ANAPC10: variants seen among roughly 807,000 people sequenced by gnomAD.
The protein encoded by ANAPC10 is anaphase-promoting complex subunit 10.
Under a neutral mutation model 22.0 loss-of-function variants are expected in ANAPC10, and 12 were observed. The ratio of observed to expected loss-of-function variants is 0.55; its 90% CI spans 0.35 to 0.88. The LOEUF is 0.88. ANAPC10 is among the 40% of genes least tolerant of loss of function. The probability of loss-of-function intolerance (pLI) is 0.01; values close to 1 mark genes in which losing one functional copy is unlikely to be tolerated. For synonymous variants in ANAPC10, 65 were observed against 69.5 expected, an observed-to-expected ratio of 0.94 and a Z score of 0.32; for missense variants, 188 against 220.9, an observed-to-expected ratio of 0.85 and a Z score of 0.94.
intron 4 of ANAPC10, among the ~76,000 whole-genome samples, chr4:145,044,955 T>C (rs1486485504): frequency 6.6e-6 from 1 of 152,016 alleles, no homozygotes; most frequent in Non-Finnish European, 1.5e-5. Context: ...TTTATAGAAG[T>C]TCACTATAAA....
intron 2 of ANAPC10, among the ~76,000 whole-genome samples, chr4:145,084,114 G>A (rs1746508607): frequency 6.6e-6 from 1 of 152,082 alleles, no homozygotes; most frequent in Admixed American, 6.5e-5. Flanking sequence ...GGAACCACAG[G>A]CATGTGCCAC....
chr4:145,000,871 AG>A (rs1005641760), intron 4 of ANAPC10, among the ~76,000 whole-genome samples: 69 of 152,316 alleles, frequency 4.5e-4, no homozygotes, highest in Middle Eastern at 3.4e-3. Flanking sequence ...GCCATAAAAA[AG>A]GATGAGTTCA....
In ANAPC10 at chr4:144,995,601, T is replaced by C. The variant is rs1387498191; in HGVS notation, c.330A>G (p.Gln110=). 3.1e-6 allele frequency: 5 copies of C among 1,602,568 alleles called. No individual in the cohort carries two copies. Among genetic ancestry groups the C allele is most frequent in the Non-Finnish European group, 4.3e-6 (5 of 1,175,568 alleles). ...AGCCACTTGGTTCCACCAACTCAAG[T>C]TGCTGCCAAGGGAAAAAAAATCAGA... ...NNFHNLQEIR[Q]LELVEPSGWI... is the part of the protein sequence containing the mutation. The change falls in exon 5 of 5, where the codon CAA becomes CAG. Residue 110 remains glutamine (Q), a splice_region_variant and synonymous_variant. Coordinates refer to ENST00000507656, the MANE Select transcript of ANAPC10 (RefSeq NM_001256706.2).
chr4:145,051,262 T>C (rs1025723839), intron 4 of ANAPC10, among the ~76,000 whole-genome samples: 10 of 152,152 alleles, frequency 6.6e-5, no homozygotes, highest in Non-Finnish European at 1.2e-4. Context: ...AAGCAGCCAG[T>C]TGGTGGAGTA....
chr4:145,045,095 A>C (rs541901859), intron 4 of ANAPC10, among the ~76,000 whole-genome samples: 1 of 152,214 alleles, frequency 6.6e-6, no homozygotes, highest in Admixed American at 6.5e-5. Flanking sequence ...CCAAAAGCTA[A>C]TGTAAAAATA....
At chr4:145,096,263 T>C (rs1448995731) in intron 1 of ANAPC10, among the ~76,000 whole-genome samples, 152 bp from the exon 2 acceptor site, 1 of 152,166 alleles carries the variant, frequency 6.6e-6, no homozygotes, top group Non-Finnish European at 1.5e-5. Context: ...ATCACTGTAA[T>C]TTAAATCTTA....
chr4:145,035,206 G>A (rs920717109), intron 4 of ANAPC10: 3 of 152,130 alleles, frequency 2.0e-5, no homozygotes, highest in South Asian at 2.1e-4. Flanking sequence ...GATCTAGCTG[G>A]CTAGATTGGT....
intron 3 of ANAPC10, among the ~76,000 whole-genome samples, chr4:145,064,982 T>C (rs35472571): frequency 1.3e-5 from 2 of 151,968 alleles, no homozygotes; most frequent in African/African-American, 4.8e-5. Flanking sequence ...TACTTTATCA[T>C]GCAAACAAGC....
chr4:145,025,659 T>C (rs1037085350), intron 4 of ANAPC10, among the ~76,000 whole-genome samples: 5 of 152,126 alleles, frequency 3.3e-5, no homozygotes, highest in Admixed American at 1.3e-4. Context: ...AGGTATAATA[T>C]TGGTGAAAAA....
intron 4 of ANAPC10, among the ~76,000 whole-genome samples, chr4:145,010,142 A>C (rs1245304439): frequency 1.3e-5 from 2 of 152,138 alleles, no homozygotes; most frequent in African/African-American, 4.8e-5. Flanking sequence ...CACACCAGTT[A>C]GAATGGCGAT....
intron 2 of ANAPC10, among the ~76,000 whole-genome samples, chr4:145,093,094 C>T (rs938329317): frequency 1.3e-5 from 2 of 152,154 alleles, no homozygotes; most frequent in African/African-American, 4.8e-5. Context: ...AGTAATGAAA[C>T]ACAGTATTCT....
Position 145,004,414 on chromosome 4 carries a change from C to T in ANAPC10, c.328-8811G>A, listed in dbSNP as rs77480061. Among the ~76,000 whole-genome samples, 62 of 152,174 alleles carry T rather than the reference C, an allele frequency of 4.1e-4. No individual in the cohort carries two copies. In the East Asian group the frequency reaches 6.2e-3, roughly 15 times the overall value. ...GTGGTGAGTGAAGGCATCCTTGTTTCGTTCCAGTTTTCAAGAGGAATGCTT... is the reference window on the plus strand; with the variant it reads ...GTGGTGAGTGAAGGCATCCTTGTTTTGTTCCAGTTTTCAAGAGGAATGCTT... On this transcript the variant is annotated intron_variant, in intron 4 of 4. Transcript: ENST00000507656.
intron 4 of ANAPC10, among the ~76,000 whole-genome samples, chr4:145,024,273 C>T (rs1736350794): frequency 6.6e-6 from 1 of 152,198 alleles, no homozygotes; most frequent in Non-Finnish European, 1.5e-5. Flanking sequence ...TTCTTCCAAA[C>T]TCTTGTTAAT....
chr4:145,015,266 T>C (rs1560824849), intron 4 of ANAPC10, among the ~76,000 whole-genome samples: 3 of 151,762 alleles, frequency 2.0e-5, no homozygotes, highest in Admixed American at 2.0e-4. Context: ...CAGGACGCAT[T>C]GGATATACTT....
At chr4:145,002,468 C>T (rs562254057) in intron 4 of ANAPC10, among the ~76,000 whole-genome samples, 178 of 141,478 alleles carry the variant, frequency 1.3e-3, no homozygotes, top group African/African-American at 4.5e-3. Flanking sequence ...ACTAGAAAAT[C>T]GGAAAAGTTT....
At position 144,995,004 on chromosome 4, in the gene ANAPC10, A is replaced by C. The variant is rs1202576182; in HGVS notation, c.*369T>G. The C allele has an allele frequency of 1.3e-5, 2 of 158,618 alleles. No homozygotes were observed. Among genetic ancestry groups the C allele is most frequent in the Non-Finnish European group, 2.8e-5 (2 of 72,226 alleles). The allele number at this position is 158,618 out of a possible 1,614,324, so 9.8% of individuals were successfully genotyped here. A position where few individuals can be genotyped will look rare whatever the true frequency, so the allele number is the denominator to read the frequency against. On this transcript the variant is annotated 3_prime_UTR_variant, in exon 5 of 5. Coordinates refer to ENST00000507656, the MANE Select transcript of ANAPC10 (RefSeq NM_001256706.2). The stretch of plus-strand genomic sequence containing the variant: ...CAGTCTTGTTCTCAAATATGCAATA[A>C]ACCATTACTCTAATGTATGAACACT...
intron 3 of ANAPC10, among the ~76,000 whole-genome samples, chr4:145,076,055 G>A (rs1480501991): frequency 6.6e-6 from 1 of 152,136 alleles, no homozygotes; most frequent in African/African-American, 2.4e-5. Context: ...TGACCTACTG[G>A]GTGCTTCCCA....
chr4:145,077,208 A>T (rs1242121236), intron 3 of ANAPC10, among the ~76,000 whole-genome samples: 1 of 152,174 alleles, frequency 6.6e-6, no homozygotes, highest in Non-Finnish European at 1.5e-5. Context: ...CAAAAAAAAT[A>T]AATAAATAGA....
intron 4 of ANAPC10, among the ~76,000 whole-genome samples, chr4:145,050,716 A>G (rs1740980347): frequency 1.3e-5 from 2 of 152,206 alleles, no homozygotes; most frequent in East Asian, 1.9e-4. Flanking sequence ...TGGCTTCTTC[A>G]CTGAAACCTC....
Sources: gnomAD v4.1 joint callset for allele counts (sites outside exome capture counted in the v4.1 genomes callset) on GRCh38, gnomAD v4.1.1 for gene constraint, MANE v1.5 for transcripts, NCBI Gene and HGNC (gene_info 2026-07-23, HGNC 2026-07-21) for gene names.